Variants in CNTN3 observed in about 807,000 individuals in gnomAD.
CNTN3 encodes the protein contactin 3.
A neutral mutation model predicts 119.1 loss-of-function variants in CNTN3; 60 were observed. That is an observed-to-expected ratio of 0.50 (90% CI 0.41 to 0.62). CNTN3 has a LOEUF of 0.62. CNTN3 is among the 20% of genes least tolerant of loss of function. CNTN3 has a pLI of 0.00. For synonymous variants in CNTN3, 450 were observed against 438.7 expected (o/e 1.03, Z -0.32); for missense variants, 1,101 against 1,242.4 (o/e 0.89, Z 1.71).
chr3:74,452,141 C>A (rs1210355613), intron 4 of CNTN3, among the ~76,000 whole-genome samples: 1 of 142,616 alleles, frequency 7.0e-6, no homozygotes, highest in Non-Finnish European at 1.5e-5. Flanking sequence ...TTCTTCCTAC[C>A]CATGAGCATG....
At chr3:74,374,882 T>G (rs1199843540) in intron 5 of CNTN3, among the ~76,000 whole-genome samples, 1 of 152,134 alleles carries the variant, frequency 6.6e-6, no homozygotes, top group Non-Finnish European at 1.5e-5. Flanking sequence ...TATACTAATA[T>G]CCCTTGAATT....
intron 2 of CNTN3, among the ~76,000 whole-genome samples, chr3:74,506,260 A>T (rs552223565): frequency 6.6e-6 from 1 of 152,210 alleles, no homozygotes; most frequent in African/African-American, 2.4e-5. Context: ...ACTGATTAAC[A>T]TTAGTCTGTA....
intron 1 of CNTN3, among the ~76,000 whole-genome samples, chr3:74,587,657 C>T (rs751744687): frequency 4.6e-5 from 7 of 152,060 alleles, no homozygotes; most frequent in Non-Finnish European, 1.0e-4. Flanking sequence ...ATCCGAAAAC[C>T]ATCGTAAAAC....
chr3:74,268,713 A>T (rs1308672554), intron 20 of CNTN3, among the ~76,000 whole-genome samples: 2 of 152,150 alleles, frequency 1.3e-5, no homozygotes, highest in African/African-American at 4.8e-5. Context: ...TTGAAATACT[A>T]ATGACCATGT....
At chr3:74,612,134 T>C (rs1409579387) in intron 1 of CNTN3, among the ~76,000 whole-genome samples, 1 of 152,148 alleles carries the variant, frequency 6.6e-6, no homozygotes, top group Non-Finnish European at 1.5e-5. Context: ...GACACTTAAA[T>C]TTTGCAGTAA....
intron 5 of CNTN3, among the ~76,000 whole-genome samples, chr3:74,404,763 AT>A (rs1322748689): frequency 6.6e-6 from 1 of 151,740 alleles, no homozygotes; most frequent in Non-Finnish European, 1.5e-5. Context: ...CATGCCCACC[AT>A]GATACTGCTG....
chr3:74,451,234 C>T (rs372630393), intron 4 of CNTN3, among the ~76,000 whole-genome samples: 21 of 152,084 alleles, frequency 1.4e-4, no homozygotes, highest in African/African-American at 3.4e-4. Flanking sequence ...TATCCCATTG[C>T]GGTTTTGATT....
intron 5 of CNTN3, among the ~76,000 whole-genome samples, chr3:74,408,438 C>T (rs193005390): frequency 6.2e-4 from 95 of 152,204 alleles, no homozygotes; most frequent in Non-Finnish European, 1.0e-3. Flanking sequence ...GTCAAAGATA[C>T]GGCATGCTCA....
At chr3:74,302,279 A>G (rs1012681295) in intron 14 of CNTN3, among the ~76,000 whole-genome samples, 1 of 152,174 alleles carries the variant, frequency 6.6e-6, no homozygotes, top group African/African-American at 2.4e-5. Flanking sequence ...TCAGGTTGGC[A>G]AATTTTCTCA....
chr3:74,448,017 A>C (rs1177429751), intron 4 of CNTN3, among the ~76,000 whole-genome samples: 1 of 152,194 alleles, frequency 6.6e-6, no homozygotes, highest in Non-Finnish European at 1.5e-5. Context: ...TGAGACACTC[A>C]GCTGCGAACA....
At chr3:74,296,697 T>C (rs58142713) in intron 18 of CNTN3, among the ~76,000 whole-genome samples, 66,994 of 152,054 alleles carry the variant, frequency 0.44, 14,989 homozygotes, top group South Asian at 0.61. Flanking sequence ...GTTAAAATAC[T>C]GGCTGTACCA....
At chr3:74,410,114 G>A (rs951522854) in intron 5 of CNTN3, among the ~76,000 whole-genome samples, 2 of 152,130 alleles carry the variant, frequency 1.3e-5, no homozygotes, top group Admixed American at 6.6e-5. Flanking sequence ...CCCTGTGGAT[G>A]TTACAATTCT....
chr3:74,362,902 T>C (rs1047538864), intron 10 of CNTN3, among the ~76,000 whole-genome samples: 2 of 152,188 alleles, frequency 1.3e-5, no homozygotes, highest in African/African-American at 4.8e-5. Context: ...AAAGAAAACA[T>C]GGTATCCAGA....
chr3:74,582,838 C>A (rs1459200137), intron 1 of CNTN3, among the ~76,000 whole-genome samples: 1 of 149,500 alleles, frequency 6.7e-6, no homozygotes, highest in Admixed American at 6.7e-5. Context: ...AGAATTTCTA[C>A]TCTTAAGCAT....
chr3:74,423,537 G>T (rs1701649539), intron 5 of CNTN3, among the ~76,000 whole-genome samples: 2 of 152,158 alleles, frequency 1.3e-5, no homozygotes, highest in Non-Finnish European at 2.9e-5. Context: ...CCTTCTGGGT[G>T]GTGTATCTCT....
intron 4 of CNTN3, among the ~76,000 whole-genome samples, chr3:74,464,341 T>C (rs1164534908): frequency 6.6e-6 from 1 of 152,208 alleles, no homozygotes; most frequent in Non-Finnish European, 1.5e-5. Flanking sequence ...CATCTGTTAC[T>C]CCCTGAATAA....
intron 4 of CNTN3, among the ~76,000 whole-genome samples, chr3:74,444,255 G>A (rs1479237424): frequency 1.3e-5 from 2 of 151,968 alleles, no homozygotes; most frequent in Admixed American, 1.3e-4. Flanking sequence ...CTGAGGCATT[G>A]GGGGAGGACT....
At chr3:74,295,295 G>T in intron 18 of CNTN3, 59 bp from the exon 19 acceptor site, 1 of 851,988 alleles carries the variant, frequency 1.2e-6, no homozygotes, top group Non-Finnish European at 1.9e-6. Context: ...TTAAAACACA[G>T]ATTAATGTTC....
intron 11 of CNTN3, among the ~76,000 whole-genome samples, chr3:74,345,989 G>A (rs947062643): frequency 1.3e-5 from 2 of 152,040 alleles, no homozygotes; most frequent in African/African-American, 4.8e-5. Context: ...TACATTCTAG[G>A]CAACTGGAAC....
Sources: allele counts gnomAD v4.1 joint callset (sites outside exome capture counted in the v4.1 genomes callset), GRCh38; gene constraint gnomAD v4.1.1; transcripts MANE v1.5; gene names NCBI Gene and HGNC (gene_info 2026-07-23, HGNC 2026-07-21).